AKR1E2: variants seen among roughly 807,000 people sequenced by gnomAD.
AKR1E2 encodes the protein 1,5-anhydro-D-fructose reductase.
Under a neutral mutation model 41.9 loss-of-function variants are expected in AKR1E2, and 43 were observed. The observed-to-expected ratio is 1.03, with a 90% confidence interval of 0.80 to 1.32. AKR1E2 has a LOEUF of 1.32. Ranked by LOEUF, AKR1E2 falls within the 40% of genes most tolerant of loss-of-function variation. AKR1E2 has a pLI of 0.00. For synonymous variants in AKR1E2, 121 were observed against 138.9 expected, an observed-to-expected ratio of 0.87 and a Z score of 0.91; for missense variants, 423 against 396.5, an observed-to-expected ratio of 1.07 and a Z score of -0.57.
chr10:4,844,170 C>T (rs372834486), intron 8 of AKR1E2, among the ~76,000 whole-genome samples: 8 of 152,054 alleles, frequency 5.3e-5, no homozygotes, highest in East Asian at 3.9e-4. Flanking sequence ...CGGATGTGTT[C>T]GGAGTTTCTT....
In AKR1E2 at chr10:4,842,516, C is replaced by A. The variant is rs1026760859; in HGVS notation, c.837+12C>A. 2 of 1,611,842 alleles carry A rather than the reference C, an allele frequency of 1.2e-6. No homozygotes were observed. The highest frequency in any genetic ancestry group is 2.7e-5 in the African/African-American group (2 of 74,894). On this transcript the variant is annotated intron_variant, in intron 8 of 9. Coordinates refer to ENST00000298375, the MANE Select transcript of AKR1E2 (RefSeq NM_001040177.3). ...AAGAGAATATCCAGGTAGGTGTATT[C>A]CTTCTTTTATTTGGCGGGTTTCAGA...
intron 3 of AKR1E2, 76 bp from the exon 4 acceptor site, chr10:4,835,599 G>T (rs920702844): frequency 1.1e-5 from 17 of 1,516,630 alleles, no homozygotes; most frequent in Non-Finnish European, 1.4e-5. Context: ...TGGCTTGGAT[G>T]CAGGTCTCCT....
At chr10:4,870,431 T>C in the AKR1E2 span, among the ~76,000 whole-genome samples, 1 of 152,064 alleles carries the variant, frequency 6.6e-6, no homozygotes, top group African/African-American at 2.4e-5. Context: ...TTTTCCATTT[T>C]CTTTCTGTTT....
Position 4,839,221 on chromosome 10 carries a change from G to T in AKR1E2, c.583-508G>T, listed in dbSNP as rs532443741. Among the ~76,000 whole-genome samples the T allele has an allele frequency of 6.6e-5, 10 of 152,268 alleles. No homozygotes were observed. In the South Asian group the frequency reaches 1.9e-3, roughly 28 times the overall value. Reference sequence around the variant, plus strand: ...TTCCTCAATTTCATTCATTCATTCAGTGGATATATTTTTAGCACTTCCTAC... The same window carrying T: ...TTCCTCAATTTCATTCATTCATTCATTGGATATATTTTTAGCACTTCCTAC... On this transcript the variant is annotated intron_variant, in intron 5 of 9. Transcript: ENST00000298375.
intron 8 of AKR1E2, among the ~76,000 whole-genome samples, chr10:4,845,308 T>A (rs1458834371): frequency 6.6e-6 from 1 of 151,816 alleles, no homozygotes. Flanking sequence ...CCTCCACACC[T>A]CCCCGCAAGC....
the AKR1E2 span, among the ~76,000 whole-genome samples, chr10:4,860,724 C>T: frequency 2.6e-5 from 4 of 152,170 alleles, no homozygotes; most frequent in Non-Finnish European, 5.9e-5. Context: ...TCTGTGCTCT[C>T]TCTAATATAT....
chr10:4,862,635 G>A, the AKR1E2 span, among the ~76,000 whole-genome samples: 1 of 152,108 alleles, frequency 6.6e-6, no homozygotes, highest in Non-Finnish European at 1.5e-5. Context: ...TCTCTTTGAA[G>A]AGGTCCTTCA....
chr10:4,846,228 C>T (rs1045785363), intron 8 of AKR1E2: 6 of 211,168 alleles, frequency 2.8e-5, no homozygotes, highest in African/African-American at 1.4e-4. Context: ...GCTCCAGGTC[C>T]TTGCATTGGA....
At position 4,842,475 on chromosome 10, in the gene AKR1E2, A is replaced by G. The variant is rs1387817197; in HGVS notation, c.808A>G (p.Thr270Ala). The G allele has an allele frequency of 6.2e-7, 1 of 1,614,080 alleles. No individual in the cohort carries two copies. Among genetic ancestry groups the G allele is most frequent in the South Asian group, 1.1e-5 (1 of 91,076 alleles). ...TGTGATAGTGATCCCCGGATCTATC[A>G]CCCCAAGTCACATTAAAGAGAATAT... ...RNVIVIPGSI[T>A]PSHIKENIQV... The change falls in exon 8 of 10, where the codon ACC (threonine) becomes GCC (alanine). Residue 270 changes from threonine to alanine, a missense_variant. Physicochemically the swap from Thr to Ala is moderately conservative, Grantham distance 58. Transcript: ENST00000298375.
chr10:4,849,438 A>G (rs371142327), downstream of AKR1E2, among the ~76,000 whole-genome samples: 6 of 152,260 alleles, frequency 3.9e-5, no homozygotes, highest in African/African-American at 1.4e-4. Flanking sequence ...AGTCATCTGC[A>G]TGTAGCACTC....
intron 2 of AKR1E2, 23 bp downstream of exon 2, chr10:4,830,865 T>C (rs1472555011): frequency 6.2e-7 from 1 of 1,613,336 alleles, no homozygotes. Flanking sequence ...TATGCAAGGC[T>C]GGCAGAGCTT....
At chr10:4,835,498 A>G (rs1386720880) in intron 3 of AKR1E2, among the ~76,000 whole-genome samples, 177 bp from the exon 4 acceptor site, 1 of 152,200 alleles carries the variant, frequency 6.6e-6, no homozygotes, top group East Asian at 1.9e-4. Flanking sequence ...TTTGCCAGCC[A>G]TCCAGTCCAC....
Position 4,842,279 on chromosome 10 carries a change from C to G in AKR1E2, c.754-142C>G. 4.4e-6 allele frequency: 3 copies of G among 678,016 alleles called. No individual in the cohort carries two copies. In the South Asian group the frequency reaches 5.5e-5, roughly 13 times the overall value. The allele number at this position is 678,016 out of a possible 1,614,324, so 42.0% of individuals were successfully genotyped here. A position where few individuals can be genotyped will look rare whatever the true frequency, so the allele number is the denominator to read the frequency against. ...TGTCATTACCAACATATTGACAGAG[C>G]TGCTCAGTGAATGCCAGTAACAATA... On this transcript the variant is annotated intron_variant, in intron 7 of 9. Coordinates refer to ENST00000298375, the MANE Select transcript of AKR1E2 (RefSeq NM_001040177.3).
the AKR1E2 span, among the ~76,000 whole-genome samples, chr10:4,863,899 A>C: frequency 1.3e-5 from 2 of 152,216 alleles, no homozygotes; most frequent in Admixed American, 6.5e-5. Flanking sequence ...AACCCTCCCA[A>C]GACTAAACCA....
chr10:4,859,024 A>G, the AKR1E2 span, among the ~76,000 whole-genome samples: 3 of 151,946 alleles, frequency 2.0e-5, no homozygotes, highest in Non-Finnish European at 4.4e-5. Context: ...AGGTTTCACC[A>G]TGTTGGCCAG....
chr10:4,849,580 G>C (rs987210418), downstream of AKR1E2, among the ~76,000 whole-genome samples: 10 of 152,232 alleles, frequency 6.6e-5, no homozygotes, highest in Non-Finnish European at 1.3e-4. Context: ...TAAAAGTAGA[G>C]AGTAGAATGG....
intron 1 of AKR1E2, among the ~76,000 whole-genome samples, chr10:4,828,667 G>C (rs1364613151): frequency 6.6e-6 from 1 of 152,136 alleles, no homozygotes; most frequent in East Asian, 1.9e-4. Flanking sequence ...TGACACCTTT[G>C]TAATGTTAAA....
intron 3 of AKR1E2, 136 bp from the exon 4 acceptor site, chr10:4,835,539 G>T (rs1564261880): frequency 9.0e-7 from 1 of 1,115,208 alleles, no homozygotes; most frequent in Non-Finnish European, 1.2e-6. Flanking sequence ...GAAAGGTGAA[G>T]ACTGGGCCTG....
downstream of AKR1E2, among the ~76,000 whole-genome samples, chr10:4,850,626 T>TA (rs1205365649): frequency 6.6e-5 from 10 of 152,238 alleles, no homozygotes; most frequent in Admixed American, 5.2e-4. Context: ...CTGTTGTTGT[T>TA]ACAGCTGTTT....
Sources: gnomAD v4.1 joint callset for allele counts (sites outside exome capture counted in the v4.1 genomes callset) on GRCh38, gnomAD v4.1.1 for gene constraint, MANE v1.5 for transcripts, NCBI Gene and HGNC (gene_info 2026-07-23, HGNC 2026-07-21) for gene names.